Variants in GPC6 observed in about 807,000 individuals in gnomAD.
The protein encoded by GPC6 is glypican-6.
Under a neutral mutation model 55.2 loss-of-function variants are expected in GPC6, and 14 were observed. The ratio of observed to expected loss-of-function variants is 0.25; its 90% CI spans 0.17 to 0.40. The LOEUF (loss-of-function observed/expected upper bound fraction) is 0.40. Among genes scored for constraint, GPC6 ranks in the 10% least tolerant of loss-of-function variants. The pLI, the probability that GPC6 is intolerant of heterozygous loss-of-function variation, is 1.00. For synonymous variants in GPC6, 278 were observed against 259.6 expected (o/e 1.07, Z -0.68); for missense variants, 641 against 708.5 (o/e 0.90, Z 1.08).
chr13:93,287,670 A>G (rs1319610175), intron 1 of GPC6, among the ~76,000 whole-genome samples: 1 of 152,218 alleles, frequency 6.6e-6, no homozygotes, highest in Non-Finnish European at 1.5e-5. Flanking sequence ...AGAAGGTGTA[A>G]TTGAGTCTGC....
chr13:94,319,885 G>T (rs953454520), intron 6 of GPC6, among the ~76,000 whole-genome samples: 1 of 151,986 alleles, frequency 6.6e-6, no homozygotes, highest in African/African-American at 2.4e-5. Flanking sequence ...GGATGTATTG[G>T]GCTTCCTGAA....
chr13:93,475,538 C>T (rs752761749), intron 1 of GPC6, among the ~76,000 whole-genome samples: 7 of 152,118 alleles, frequency 4.6e-5, no homozygotes, highest in Non-Finnish European at 8.8e-5. Context: ...GAGTTGGATG[C>T]ACAGTAAGAT....
chr13:93,656,834 G>C (rs1273490100), intron 2 of GPC6, among the ~76,000 whole-genome samples: 2 of 151,888 alleles, frequency 1.3e-5, no homozygotes, highest in African/African-American at 4.8e-5. Flanking sequence ...ACCAAATCAA[G>C]GATGCAATCT....
chr13:93,905,672 G>A (rs566414036), intron 3 of GPC6, among the ~76,000 whole-genome samples: 1 of 152,290 alleles, frequency 6.6e-6, no homozygotes, highest in Admixed American at 6.5e-5. Flanking sequence ...CCAGAGTCTG[G>A]CAAAAGCAAA....
chr13:93,711,360 C>T (rs565898375), intron 2 of GPC6, among the ~76,000 whole-genome samples: 11 of 151,678 alleles, frequency 7.3e-5, no homozygotes, highest in African/African-American at 2.7e-4. Flanking sequence ...CTCGTGAGAC[C>T]TATTCACTAT....
chr13:93,406,305 G>A (rs1301393986), intron 1 of GPC6, among the ~76,000 whole-genome samples: 1 of 152,010 alleles, frequency 6.6e-6, no homozygotes, highest in Non-Finnish European at 1.5e-5. Context: ...AGTGCTCCAG[G>A]CAGCCACCAC....
chr13:93,683,297 A>G (rs1482433519), intron 2 of GPC6, among the ~76,000 whole-genome samples: 2 of 152,064 alleles, frequency 1.3e-5, no homozygotes, highest in African/African-American at 4.8e-5. Flanking sequence ...CTGCTTTAAT[A>G]TTAAACATAT....
At chr13:94,028,509 TA>T (rs35971946) in intron 4 of GPC6, among the ~76,000 whole-genome samples, 81 of 147,922 alleles carry the variant, frequency 5.5e-4, no homozygotes, top group Non-Finnish European at 5.2e-4. Context: ...AAGAATCTTG[TA>T]AAAAAAAAAA....
intron 6 of GPC6, among the ~76,000 whole-genome samples, chr13:94,370,344 A>T (rs1231369281): frequency 6.6e-6 from 1 of 152,214 alleles, no homozygotes; most frequent in Non-Finnish European, 1.5e-5. Flanking sequence ...ACAAATTAAT[A>T]TGTGCTCCCA....
At chr13:93,954,726 C>A (rs1240819174) in intron 3 of GPC6, among the ~76,000 whole-genome samples, 1 of 152,110 alleles carries the variant, frequency 6.6e-6, no homozygotes, top group Non-Finnish European at 1.5e-5. Flanking sequence ...ACACTCAGTC[C>A]CACTTGACAA....
intron 6 of GPC6, among the ~76,000 whole-genome samples, chr13:94,353,525 C>G (rs77757328): frequency 6.6e-6 from 1 of 152,198 alleles, no homozygotes; most frequent in African/African-American, 2.4e-5. Context: ...GGCCTCTCCA[C>G]TAATTAACAC....
intron 2 of GPC6, among the ~76,000 whole-genome samples, chr13:93,611,325 A>T (rs1047782832): frequency 6.6e-6 from 1 of 152,146 alleles, no homozygotes; most frequent in Non-Finnish European, 1.5e-5. Flanking sequence ...ACTGTAGCAT[A>T]TTAAGGTTAG....
At chr13:93,577,365 A>G (rs1373666785) in intron 2 of GPC6, among the ~76,000 whole-genome samples, 1 of 152,118 alleles carries the variant, frequency 6.6e-6, no homozygotes, top group African/African-American at 2.4e-5. Flanking sequence ...AATTTTACAA[A>G]AGCACATGGC....
At chr13:94,276,858 G>T (rs181076717) in intron 4 of GPC6, among the ~76,000 whole-genome samples, 2 of 152,210 alleles carry the variant, frequency 1.3e-5, no homozygotes, top group Non-Finnish European at 2.9e-5. Flanking sequence ...ATTTGGGTTG[G>T]TTCCATGTCT....
intron 2 of GPC6, among the ~76,000 whole-genome samples, chr13:93,730,028 G>A (rs961660568): frequency 3.9e-5 from 6 of 152,104 alleles, no homozygotes; most frequent in African/African-American, 2.4e-5. Flanking sequence ...TTGTGGCATT[G>A]GTAATATTCT....
chr13:93,884,559 A>T (rs1169503152), intron 3 of GPC6, among the ~76,000 whole-genome samples: 1 of 152,010 alleles, frequency 6.6e-6, no homozygotes, highest in African/African-American at 2.4e-5. Context: ...ATTTTTAGAG[A>T]TTTATTTATT....
intron 4 of GPC6, among the ~76,000 whole-genome samples, chr13:94,130,317 A>G (rs146260416): frequency 4.6e-5 from 7 of 152,226 alleles, no homozygotes; most frequent in Admixed American, 1.3e-4. Flanking sequence ...CAGTCAGGCA[A>G]TTGATAGGAT....
intron 4 of GPC6, among the ~76,000 whole-genome samples, chr13:94,073,546 C>T (rs1248567282): frequency 2.6e-5 from 4 of 152,150 alleles, no homozygotes; most frequent in Non-Finnish European, 5.9e-5. Flanking sequence ...AATGTCCTCC[C>T]TCTGCAGCAG....
At chr13:94,298,238 T>C (rs1199532538) in intron 5 of GPC6, among the ~76,000 whole-genome samples, 1 of 152,222 alleles carries the variant, frequency 6.6e-6, no homozygotes, top group Non-Finnish European at 1.5e-5. Flanking sequence ...AATAGTATAA[T>C]GTAGCTCCTT....
Sources: gnomAD v4.1 joint callset for allele counts (sites outside exome capture counted in the v4.1 genomes callset) on GRCh38, gnomAD v4.1.1 for gene constraint, MANE v1.5 for transcripts, NCBI Gene and HGNC (gene_info 2026-07-23, HGNC 2026-07-21) for gene names.